Variants in YIPF7 observed in about 807,000 individuals in gnomAD.
YIPF7 encodes Yip1 domain family member 7.
A neutral mutation model predicts 27.2 loss-of-function variants in YIPF7; 35 were observed. The observed-to-expected ratio is 1.29, with a 90% CI of 0.98 to 1.70. The LOEUF (loss-of-function observed/expected upper bound fraction) is 1.70, where lower values mean the gene tolerates loss of function less well. Ranked by LOEUF, YIPF7 falls within the 40% of genes most tolerant of loss-of-function variation. YIPF7 has a pLI of 0.00. For missense variants in YIPF7, 358 were observed against 303.7 expected (o/e 1.18, Z -1.33); for synonymous variants, 137 against 110.4 (o/e 1.24, Z -1.51).
Position 44,630,913 on chromosome 4 carries a change from C to G in YIPF7, c.281-1365G>C, listed in dbSNP as rs185777678. ...TATGACTTGACTATTTAGGGACCAG[C>G]AATCAAATTGGTTATCCTCCTTCTA... is the stretch of plus-strand genomic sequence containing the variant. On this transcript the variant is annotated intron_variant, in intron 3 of 5. Transcript: ENST00000415895. Among the ~76,000 whole-genome samples the G allele has an allele frequency of 1.4e-3, 218 of 152,230 alleles. 2 individuals carry two copies. The highest frequency in any genetic ancestry group is 0.014 in the Middle Eastern group (4 of 292).
At chr4:44,624,060 C>G (rs866673577) in intron 5 of YIPF7, among the ~76,000 whole-genome samples, 1 of 137,158 alleles carries the variant, frequency 7.3e-6, no homozygotes, top group Admixed American at 7.2e-5. Flanking sequence ...TTCTCTCTCT[C>G]TTTTTTTTTT....
At chr4:44,644,967 T>C (rs1054023338) in intron 2 of YIPF7, among the ~76,000 whole-genome samples, 6 of 152,208 alleles carry the variant, frequency 3.9e-5, no homozygotes, top group Admixed American at 6.5e-5. Context: ...CTCTTGGTTC[T>C]GCTCCTGCCA....
chr4:44,637,798 G>A (rs1428947466), intron 2 of YIPF7, among the ~76,000 whole-genome samples: 10 of 152,042 alleles, frequency 6.6e-5, no homozygotes. Flanking sequence ...TTATGCCCTT[G>A]CATTCTCATA....
At chr4:44,651,449 C>T in intron 1 of YIPF7, 105 bp downstream of exon 1, 1 of 595,038 alleles carries the variant, frequency 1.7e-6, no homozygotes, top group African/African-American at 1.9e-5. Flanking sequence ...ATTTTCATAA[C>T]ATGCAAAGCT....
intron 2 of YIPF7, among the ~76,000 whole-genome samples, chr4:44,657,228 T>G (rs902869273): frequency 6.6e-6 from 1 of 152,202 alleles, no homozygotes; most frequent in Non-Finnish European, 1.5e-5. Flanking sequence ...TCTACCTTCT[T>G]TCGACAGGAG....
chr4:44,631,409 A>G (rs1010377278), intron 3 of YIPF7, among the ~76,000 whole-genome samples: 2 of 152,106 alleles, frequency 1.3e-5, no homozygotes, highest in Non-Finnish European at 2.9e-5. Flanking sequence ...GTATCATCTA[A>G]ATACCTTGAA....
chr4:44,636,118 C>G, intron 2 of YIPF7, 33 bp from the exon 3 acceptor site: 1 of 1,560,198 alleles, frequency 6.4e-7, no homozygotes. Context: ...ATTTACATGT[C>G]TAAGAAAAAG....
intron 3 of YIPF7, among the ~76,000 whole-genome samples, chr4:44,632,666 A>G (rs73191065): frequency 1.3e-5 from 2 of 152,236 alleles, no homozygotes; most frequent in Non-Finnish European, 2.9e-5. Context: ...GATTGTCAAT[A>G]AAAACTAGTA....
At chr4:44,651,218 T>C (rs1292343512) in intron 1 of YIPF7, among the ~76,000 whole-genome samples, 1 of 152,200 alleles carries the variant, frequency 6.6e-6, no homozygotes, top group East Asian at 1.9e-4. Context: ...TCTCTAAAAT[T>C]AGATGCAGCG....
Position 44,635,987 on chromosome 4 carries a change from T to C in YIPF7, c.215A>G (p.Asn72Ser). ...AGGAGATTGTGAATAATAATCTGAG[T>C]TGGATGCTGGCTGAAAAAATTGTCC... ...YAGQFFQPASNSDYYSQSPYI... is the reference protein window; with the variant it reads ...YAGQFFQPASSSDYYSQSPYI... The change falls in exon 3 of 6, where the codon AAC becomes AGC. Residue 72 changes from asparagine to serine, a missense_variant. Transcript: ENST00000415895. The C allele has an allele frequency of 1.2e-6, 2 of 1,613,898 alleles. No homozygotes were observed. The highest frequency in any genetic ancestry group is 1.3e-5 in the African/African-American group (1 of 75,044).
At position 44,622,459 on chromosome 4, in the gene YIPF7, A is replaced by T. The variant is rs1274346784; in HGVS notation, c.726T>A (p.Pro242=). Residue 242 remains proline, a synonymous_variant, in exon 6 of 6, where the codon CCT becomes CCA. Transcript: ENST00000415895. The part of the protein sequence containing the change: ...MEGQQLLVAY[P]CAILYGLFAL... ...CAAAAAGTCCATAAAGTATGGCACA[A>T]GGGTAGGCAACAAGAAGCTGCTGTC... is the stretch of plus-strand genomic sequence containing the variant. The T allele has an allele frequency of 1.9e-6, 3 of 1,613,878 alleles. No homozygotes were observed. Among genetic ancestry groups the T allele is most frequent in the South Asian group, 2.2e-5 (2 of 91,046 alleles).
chr4:44,640,648 T>C (rs1417582355), intron 2 of YIPF7, among the ~76,000 whole-genome samples: 1 of 152,206 alleles, frequency 6.6e-6, no homozygotes. Flanking sequence ...AACCCAACTG[T>C]TGCCCCTCAG....
intron 2 of YIPF7, among the ~76,000 whole-genome samples, chr4:44,645,779 G>A (rs868065382): frequency 1.3e-5 from 2 of 151,812 alleles, no homozygotes; most frequent in Non-Finnish European, 2.9e-5. Context: ...TCAAACTACC[G>A]AGAAGTGACT....
upstream of YIPF7, among the ~76,000 whole-genome samples, chr4:44,656,194 G>C (rs1398891617): frequency 6.6e-6 from 1 of 151,898 alleles, no homozygotes; most frequent in Non-Finnish European, 1.5e-5. Flanking sequence ...TACATTCTTA[G>C]TAACCATATT....
At chr4:44,634,692 A>G (rs1713045006) in intron 3 of YIPF7, among the ~76,000 whole-genome samples, 1 of 152,240 alleles carries the variant, frequency 6.6e-6, no homozygotes, top group Admixed American at 6.5e-5. Context: ...GGAAAATAGA[A>G]TAAAGGCTAG....
At chr4:44,623,213 CA>C (rs1345831291) in intron 5 of YIPF7, among the ~76,000 whole-genome samples, 1 of 152,110 alleles carries the variant, frequency 6.6e-6, no homozygotes, top group Non-Finnish European at 1.5e-5. Context: ...GGCAAGTGAG[CA>C]AATAAGATAG....
intron 3 of YIPF7, among the ~76,000 whole-genome samples, chr4:44,633,264 C>T (rs1712985932): frequency 6.6e-6 from 1 of 152,078 alleles, no homozygotes; most frequent in Non-Finnish European, 1.5e-5. Context: ...GGGAAATTAA[C>T]TCTGAGCTGT....
At chr4:44,624,455 T>C (rs1712551820) in intron 5 of YIPF7, 146 bp downstream of exon 5, 5 of 902,840 alleles carry the variant, frequency 5.5e-6, no homozygotes, top group Non-Finnish European at 8.0e-6. Context: ...AACCTACTTT[T>C]CTTAATCTAT....
At chr4:44,648,241 G>T (rs1192521784) in intron 2 of YIPF7, among the ~76,000 whole-genome samples, 2 of 152,084 alleles carry the variant, frequency 1.3e-5, no homozygotes. Context: ...TTAGATTTCA[G>T]ATTTTTATGG....
Sources: gnomAD v4.1 joint callset for allele counts (sites outside exome capture counted in the v4.1 genomes callset) on GRCh38, gnomAD v4.1.1 for gene constraint, MANE v1.5 for transcripts, NCBI Gene and HGNC (gene_info 2026-07-23, HGNC 2026-07-21) for gene names.